The following FAM149A variants were observed in gnomAD, a reference collection of about 807,000 sequenced individuals.
The protein encoded by FAM149A is protein FAM149A.
FAM149A carries 71 observed loss-of-function variants against 78.2 expected under a neutral mutation model. That is an observed-to-expected ratio of 0.91 (90% CI 0.75 to 1.11). The LOEUF is 1.11. Among genes scored for constraint, FAM149A ranks in the 50% least tolerant of loss-of-function variants. The pLI, the probability that FAM149A is intolerant of heterozygous loss-of-function variation, is 0.00. For missense variants in FAM149A, 1,036 were observed against 971.0 expected (o/e 1.07, Z -0.89); for synonymous variants, 446 against 410.5 (o/e 1.09, Z -1.04).
At position 186,162,850 on chromosome 4, in the gene FAM149A, T is replaced by C; in HGVS notation, c.1581T>C (p.His527=). The C allele has an allele frequency of 1.2e-6, 1 of 821,646 alleles. No homozygotes were observed. Among genetic ancestry groups the C allele is most frequent in the Non-Finnish European group, 2.0e-6 (1 of 502,888 alleles). 50.9% of individuals were successfully genotyped at this position (821,646 alleles called of 1,614,324 possible). A position where few individuals can be genotyped will look rare whatever the true frequency, so the allele number is the denominator to read the frequency against. Residue 527 remains histidine (H), a synonymous_variant, in exon 9 of 14, where the codon CAT becomes CAC. Coordinates refer to ENST00000389354, the MANE Select transcript of FAM149A (RefSeq NM_001367768.3). ...TTTTTTTTTACTGTTCTCAGATTCA[T>C]CACTTCTCCAGCAGTTTTTATAGTG...
chr4:186,135,163 G>A (rs1163268852), intron 1 of FAM149A, among the ~76,000 whole-genome samples: 1 of 152,162 alleles, frequency 6.6e-6, no homozygotes, highest in Admixed American at 6.5e-5. Flanking sequence ...GAGAACCACT[G>A]AATTCAATTC....
chr4:186,109,318 T>C, intron 1 of FAM149A: 1 of 727,760 alleles, frequency 1.4e-6, no homozygotes, highest in Non-Finnish European at 1.7e-6. Context: ...ACTCTTTTTT[T>C]TTTTGAGTGA....
chr4:186,105,585 C>G lies in FAM149A; in HGVS notation c.509C>G (p.Thr170Arg), dbSNP rs568591648. 4.8e-4 allele frequency: 513 copies of G among 1,064,884 alleles called. 9 individuals are homozygous for G. The South Asian group carries it at 9.9e-3, about 21-fold the overall frequency. The allele number at this position is 1,064,884 out of a possible 1,614,324, so 66.0% of individuals were successfully genotyped here. A position where few individuals can be genotyped will look rare whatever the true frequency, so the allele number is the denominator to read the frequency against. ...GCTGGCCCCAGAACCCTGTTCCTTA[C>G]GCTGCCTGACATCGGCGAGGAGGGG... The change falls in exon 1 of 14, where the codon ACG becomes AGG. Residue 170 changes from threonine to arginine, a missense_variant. By Grantham distance (71) the Thr-to-Arg change is moderately conservative. Coordinates refer to ENST00000389354, the MANE Select transcript of FAM149A (RefSeq NM_001367768.3).
At chr4:186,109,264 A>G (rs562356516) in intron 1 of FAM149A, 3 of 893,616 alleles carry the variant, frequency 3.4e-6, no homozygotes, top group Non-Finnish European at 4.0e-6. Flanking sequence ...GTCAGGAAGT[A>G]TTTATAGCTT....
At chr4:186,109,565 G>T in intron 1 of FAM149A, 1 of 985,310 alleles carries the variant, frequency 1.0e-6, no homozygotes, top group Non-Finnish European at 1.2e-6. Context: ...TTCCCTAGCT[G>T]TAGTTTTTCT....
chr4:186,160,831 A>G, intron 8 of FAM149A: 2 of 985,348 alleles, frequency 2.0e-6, no homozygotes, highest in Non-Finnish European at 2.4e-6. Context: ...AGTCTAGCTG[A>G]TAGCAGAGTG....
chr4:186,122,024 A>G (rs1009768772), intron 1 of FAM149A, among the ~76,000 whole-genome samples: 5 of 152,188 alleles, frequency 3.3e-5, no homozygotes, highest in African/African-American at 1.2e-4. Flanking sequence ...TGCCAGGGAG[A>G]TCAGAATAGC....
intron 1 of FAM149A, chr4:186,124,236 A>AT: frequency 1.0e-6 from 1 of 983,690 alleles, no homozygotes; most frequent in African/African-American, 1.8e-5. Flanking sequence ...GTTTCTTGCC[A>AT]TTTTTGTTTT....
intron 8 of FAM149A, chr4:186,160,713 CACACACA>C: frequency 3.7e-6 from 3 of 807,866 alleles, no homozygotes; most frequent in Non-Finnish European, 4.5e-6. Flanking sequence ...TACCACACAC[CACACACA>C]CACCTCACCA....
intron 1 of FAM149A, among the ~76,000 whole-genome samples, chr4:186,106,816 A>G (rs1428352746): frequency 6.6e-6 from 1 of 152,070 alleles, no homozygotes; most frequent in Non-Finnish European, 1.5e-5. Flanking sequence ...GCGTGGTGGT[A>G]CGTGCCTGTA....
intron 1 of FAM149A, chr4:186,117,500 G>T (rs901484468): frequency 1.6e-5 from 16 of 985,302 alleles, no homozygotes; most frequent in Non-Finnish European, 1.8e-5. Flanking sequence ...GATGTCAGGG[G>T]TCTGAGTTCT....
intron 1 of FAM149A, chr4:186,130,293 C>CTCTCTCTCTCTCTATATATATATATA: frequency 1.3e-4 from 6 of 46,586 alleles, no homozygotes; most frequent in Admixed American, 7.5e-4. Context: ...CTCTCTCTCT[C>CTCTCTCTCTCTCTATATATATATATA]TATATATATA....
At chr4:186,157,520 G>T in intron 7 of FAM149A, 45 bp from the exon 8 acceptor site, 1 of 1,579,290 alleles carries the variant, frequency 6.3e-7, no homozygotes, top group East Asian at 2.2e-5. Flanking sequence ...ATTTGTATTA[G>T]ATAATCTGAT....
chr4:186,160,257 C>G (rs1182268875), intron 8 of FAM149A, among the ~76,000 whole-genome samples: 1 of 143,976 alleles, frequency 6.9e-6, no homozygotes, highest in Non-Finnish European at 1.5e-5. Context: ...CACACACACA[C>G]TGCACACACC....
At position 186,104,999 on chromosome 4, in the gene FAM149A, G is replaced by T. The variant is rs2099308190; in HGVS notation, c.-78G>T. 1.6e-6 allele frequency: 2 copies of T among 1,234,046 alleles called. No individual in the cohort carries two copies. The highest frequency in any genetic ancestry group is 3.1e-4 in the Middle Eastern group (1 of 3,244). 76.4% of individuals were successfully genotyped at this position (1,234,046 alleles called of 1,614,324 possible). ...GCGGGGACCTCAGGCTCCTCGCCCC[G>T]GCCCGGGCCGCCTCGGCCGGATCTC... On this transcript the variant is annotated 5_prime_UTR_variant, in exon 1 of 14. Coordinates refer to ENST00000389354, the MANE Select transcript of FAM149A (RefSeq NM_001367768.3).
At chr4:186,139,358 G>T (rs2099324851) in intron 1 of FAM149A, among the ~76,000 whole-genome samples, 1 of 152,160 alleles carries the variant, frequency 6.6e-6, no homozygotes, top group Non-Finnish European at 1.5e-5. Flanking sequence ...AAATTCATAG[G>T]TTGAAATCTC....
At chr4:186,117,668 A>T in intron 1 of FAM149A, 1 of 984,286 alleles carries the variant, frequency 1.0e-6, no homozygotes. Context: ...CGTTAAAACT[A>T]GGGAGAGCCT....
chr4:186,139,972 C>T (rs1376879728), intron 1 of FAM149A, among the ~76,000 whole-genome samples: 1 of 151,670 alleles, frequency 6.6e-6, no homozygotes, highest in African/African-American at 2.4e-5. Flanking sequence ...TTTAATACTC[C>T]ACCTAACAAA....
chr4:186,138,822 C>A (rs1365447394), intron 1 of FAM149A, among the ~76,000 whole-genome samples: 1 of 152,152 alleles, frequency 6.6e-6, no homozygotes, highest in African/African-American at 2.4e-5. Flanking sequence ...CCTTGACCAC[C>A]TGGCTCCGGG....
Sources: gnomAD v4.1 joint callset for allele counts (sites outside exome capture counted in the v4.1 genomes callset) on GRCh38, gnomAD v4.1.1 for gene constraint, MANE v1.5 for transcripts, NCBI Gene and HGNC (gene_info 2026-07-23, HGNC 2026-07-21) for gene names.